Variants in CD160 observed in about 807,000 individuals in gnomAD.
CD160 encodes CD160 antigen.
A neutral mutation model predicts 19.2 loss-of-function variants in CD160; 11 were observed. The observed-to-expected ratio is 0.57, with a 90% CI of 0.36 to 0.95. The LOEUF is 0.95. Ranked by LOEUF, CD160 falls within the 40% of genes least tolerant of loss-of-function variation. CD160 has a pLI of 0.01. For missense variants in CD160, 182 were observed against 213.2 expected, an observed-to-expected ratio of 0.85 and a Z score of 0.91; for synonymous variants, 75 against 81.1, an observed-to-expected ratio of 0.93 and a Z score of 0.40.
chr1:145,730,328 A>AT (rs1316308459), intron 3 of CD160, among the ~76,000 whole-genome samples: 3 of 151,724 alleles, frequency 2.0e-5, no homozygotes, highest in Non-Finnish European at 4.4e-5. Context: ...TTAAAAAAAA[A>AT]TTTTTTAAAT....
intron 2 of CD160, among the ~76,000 whole-genome samples, chr1:145,725,656 T>C (rs1409238573): frequency 6.6e-6 from 1 of 152,118 alleles, no homozygotes; most frequent in African/African-American, 2.4e-5. Context: ...CTTAATAAAA[T>C]AGAAATAAAT....
At chr1:145,734,349 T>C (rs1411027515) in intron 4 of CD160, among the ~76,000 whole-genome samples, 1 of 152,220 alleles carries the variant, frequency 6.6e-6, no homozygotes, top group Non-Finnish European at 1.5e-5. Context: ...CAATCCATTC[T>C]ACATACTACC....
At chr1:145,728,196 TG>T (rs1465731159) in intron 2 of CD160, 59 bp from the exon 3 acceptor site, 7 of 652,752 alleles carry the variant, frequency 1.1e-5, no homozygotes, top group Non-Finnish European at 2.8e-6. Flanking sequence ...GAGCCTGGGA[TG>T]GGGAAATGGT....
At chr1:145,729,787 G>C (rs587648015) in intron 3 of CD160, among the ~76,000 whole-genome samples, 2 of 152,270 alleles carry the variant, frequency 1.3e-5, no homozygotes, top group Admixed American at 1.3e-4. Context: ...TGTTTCTCCA[G>C]TCCATTCTCA....
intron 1 of CD160, among the ~76,000 whole-genome samples, chr1:145,723,325 A>G (rs1553708034): frequency 6.6e-6 from 1 of 152,176 alleles, no homozygotes; most frequent in African/African-American, 2.4e-5. Context: ...GAATGTTGTT[A>G]CATTTTTCTG....
chr1:145,733,053 A>C lies in CD160; in HGVS notation c.400+1983A>C, dbSNP rs587694620. On this transcript the variant is annotated intron_variant, in intron 4 of 5. Transcript: ENST00000369288. Reference sequence around the variant, plus strand: ...CAGACAATAAGCCTAGGAGGACAAAAGGGCACTGCTATTATTCTCTATGAA... The same window carrying C: ...CAGACAATAAGCCTAGGAGGACAAACGGGCACTGCTATTATTCTCTATGAA... Among the ~76,000 whole-genome samples the C allele has an allele frequency of 3.9e-5, 6 of 152,304 alleles. No individual in the cohort carries two copies. In the South Asian group the frequency reaches 1.0e-3, roughly 26 times the overall value.
At chr1:145,722,555 A>G (rs1285134939) in intron 1 of CD160, among the ~76,000 whole-genome samples, 2 of 152,070 alleles carry the variant, frequency 1.3e-5, no homozygotes, top group Non-Finnish European at 2.9e-5. Flanking sequence ...AGCCTAAGAA[A>G]CTTGACCGAG....
At chr1:145,733,772 T>C (rs781989551) in intron 4 of CD160, among the ~76,000 whole-genome samples, 1 of 152,100 alleles carries the variant, frequency 6.6e-6, no homozygotes, top group African/African-American at 2.4e-5. Context: ...CTCTCAAACA[T>C]GAGTATTCCC....
intron 4 of CD160, among the ~76,000 whole-genome samples, chr1:145,734,964 G>C (rs1207750961): frequency 1.3e-5 from 2 of 151,942 alleles, no homozygotes; most frequent in African/African-American, 4.8e-5. Context: ...AAAAATAGCC[G>C]AGTGTGGTAG....
chr1:145,727,882 G>A (rs748110148), intron 2 of CD160, among the ~76,000 whole-genome samples: 51 of 152,160 alleles, frequency 3.4e-4, no homozygotes, highest in Non-Finnish European at 6.3e-4. Flanking sequence ...CCCAGAGCTA[G>A]CAAGGGCACG....
At chr1:145,723,496 C>T (rs1656931230) in intron 1 of CD160, among the ~76,000 whole-genome samples, 1 of 152,016 alleles carries the variant, frequency 6.6e-6, no homozygotes, top group South Asian at 2.1e-4. Context: ...TTGTTTTATA[C>T]AAACTATAAT....
At chr1:145,721,066 G>A (rs1444386837) in intron 1 of CD160, among the ~76,000 whole-genome samples, 2 of 152,124 alleles carry the variant, frequency 1.3e-5, no homozygotes, top group African/African-American at 4.8e-5. Flanking sequence ...GGGGAGACCC[G>A]CCCCTGGCGT....
Position 145,738,590 on chromosome 1 carries a change from C to A in CD160, c.*97C>A. On this transcript the variant is annotated 3_prime_UTR_variant, in exon 6 of 6. Transcript: ENST00000369288. ...ATTACAATAGGCACAGAGAAGAATG[C>A]AACAGGGCACAGGGGAAGAGATGCT... 1 of 717,432 alleles carries A rather than the reference C, an allele frequency of 1.4e-6. No individual in the cohort carries two copies. The highest frequency in any genetic ancestry group is 2.1e-6 in the Non-Finnish European group (1 of 478,962). 44.4% of individuals were successfully genotyped at this position (717,432 alleles called of 1,614,324 possible). A position where few individuals can be genotyped will look rare whatever the true frequency, so the allele number is the denominator to read the frequency against.
intron 3 of CD160, 81 bp downstream of exon 3, chr1:145,728,481 T>C (rs1657144968): frequency 1.2e-6 from 1 of 810,742 alleles, no homozygotes; most frequent in African/African-American, 1.8e-5. Context: ...TGATTTTCTC[T>C]AGTGGGGAAA....
At chr1:145,720,677 A>T (rs1188805620) in intron 1 of CD160, among the ~76,000 whole-genome samples, 1 of 152,146 alleles carries the variant, frequency 6.6e-6, no homozygotes, top group Non-Finnish European at 1.5e-5. Context: ...TGGCAGAGGA[A>T]ATGGAGACTC....
intron 1 of CD160, among the ~76,000 whole-genome samples, chr1:145,723,370 T>C (rs1656926675): frequency 6.6e-6 from 1 of 152,228 alleles, no homozygotes; most frequent in African/African-American, 2.4e-5. Flanking sequence ...CTATAATGAA[T>C]GGAACTTTTC....
At chr1:145,727,501 A>G (rs2101380514) in intron 2 of CD160, among the ~76,000 whole-genome samples, 1 of 152,292 alleles carries the variant, frequency 6.6e-6, no homozygotes, top group South Asian at 2.1e-4. Flanking sequence ...TTGGAGGGAA[A>G]CTTTCCTAAA....
At chr1:145,722,674 C>G (rs1224092992) in intron 1 of CD160, among the ~76,000 whole-genome samples, 1 of 152,246 alleles carries the variant, frequency 6.6e-6, no homozygotes, top group Non-Finnish European at 1.5e-5. Context: ...TCACTGCAAG[C>G]TCCGCCTCTC....
At position 145,738,601 on chromosome 1, in the gene CD160, A is replaced by C. The variant is rs972081954; in HGVS notation, c.*108A>C. 6 of 635,238 alleles carry C rather than the reference A, an allele frequency of 9.4e-6. No individual in the cohort carries two copies. The African/African-American group carries it at 1.1e-4, about 12-fold the overall frequency. The allele number at this position is 635,238 out of a possible 1,614,324, so 39.4% of individuals were successfully genotyped here. ...CACAGAGAAGAATGCAACAGGGCAC[A>C]GGGGAAGAGATGCTAAATATACCAA... On this transcript the variant is annotated 3_prime_UTR_variant, in exon 6 of 6. Coordinates refer to ENST00000369288, the MANE Select transcript of CD160 (RefSeq NM_007053.4).
Sources: allele counts gnomAD v4.1 joint callset (sites outside exome capture counted in the v4.1 genomes callset), GRCh38; gene constraint gnomAD v4.1.1; transcripts MANE v1.5; gene names NCBI Gene and HGNC (gene_info 2026-07-23, HGNC 2026-07-21).